ART3: variants seen among roughly 807,000 people sequenced by gnomAD.
ART3 encodes the protein ADP-ribosyltransferase 3 (inactive), also known as ecto-ADP-ribosyltransferase 3.
Under a neutral mutation model 48.5 loss-of-function variants are expected in ART3, and 49 were observed. The ratio of observed to expected loss-of-function variants is 1.01; its 90% CI spans 0.80 to 1.28. The LOEUF (loss-of-function observed/expected upper bound fraction) is 1.28, where lower values mean the gene tolerates loss of function less well. ART3 is among the 50% of genes most tolerant of loss of function. ART3 has a pLI of 0.00. For synonymous variants in ART3, 145 were observed against 157.2 expected (o/e 0.92, Z 0.58); for missense variants, 438 against 454.3 (o/e 0.96, Z 0.33).
Position 76,097,759 on chromosome 4 carries a change from A to G in ART3, c.814+83A>G, listed in dbSNP as rs149674092. The G allele has an allele frequency of 1.0e-3, 1,129 of 1,081,598 alleles. 10 individuals are homozygous for G. The African/African-American group carries it at 0.016, about 15-fold the overall frequency. The allele number at this position is 1,081,598 out of a possible 1,614,324, so 67.0% of individuals were successfully genotyped here. On this transcript the variant is annotated intron_variant, in intron 4 of 11. Transcript: ENST00000355810. The stretch of plus-strand genomic sequence containing the variant: ...AGCTATGGGTCAGAGCTACCCCACC[A>G]CTGTACTGTCGTTCTGTCAAACATC...
intron 1 of ART3, chr4:76,035,776 G>T: frequency 1.5e-6 from 1 of 661,608 alleles, no homozygotes; most frequent in African/African-American, 1.8e-5. Context: ...TCTTAAACAT[G>T]TCCACCATTT....
At position 76,012,779 on chromosome 4, in the gene ART3, A is replaced by G. The variant is rs537674464; in HGVS notation, c.-10+1459A>G. Among the ~76,000 whole-genome samples, 88 of 152,332 alleles carry G rather than the reference A, an allele frequency of 5.8e-4. No individual in the cohort carries two copies. The South Asian group carries it at 0.018, about 31-fold the overall frequency. ...GCTTGTAGTCTGAGGATATGTAACA[A>G]TAGCCATTAAGAAGCTGCTGACTAA... On this transcript the variant is annotated intron_variant, in intron 1 of 9. Coordinates refer to the ART3 transcript ENST00000341029.
At chr4:76,055,191 G>T (rs1401292206) in intron 1 of ART3, among the ~76,000 whole-genome samples, 1 of 152,162 alleles carries the variant, frequency 6.6e-6, no homozygotes, top group Non-Finnish European at 1.5e-5. Context: ...AGCAGTAAAA[G>T]GTGTAGTCAG....
chr4:76,022,637 A>G (rs570409587), intron 1 of ART3: 2 of 1,568,436 alleles, frequency 1.3e-6, no homozygotes, highest in Admixed American at 1.7e-5. Flanking sequence ...TACATATTTA[A>G]TACAGTATAT....
At chr4:76,074,423 A>G (rs1720653235), upstream of ART3, among the ~76,000 whole-genome samples, 1 of 152,122 alleles carries the variant, frequency 6.6e-6, no homozygotes, top group Non-Finnish European at 1.5e-5. Context: ...CTAGAGTAAA[A>G]TCCATGCTTT....
chr4:76,107,994 G>A (rs751003569), intron 11 of ART3, among the ~76,000 whole-genome samples: 48 of 151,440 alleles, frequency 3.2e-4, no homozygotes, highest in Non-Finnish European at 6.5e-4. Context: ...TTCGATAATC[G>A]TTTTCCATTG....
chr4:76,072,144 C>T (rs1228782967), upstream of ART3, among the ~76,000 whole-genome samples: 1 of 152,162 alleles, frequency 6.6e-6, no homozygotes, highest in Non-Finnish European at 1.5e-5. Context: ...GGACTCCTGG[C>T]TTCAAGCCAT....
At chr4:76,013,971 A>T (rs1336367412) in intron 1 of ART3, among the ~76,000 whole-genome samples, 1 of 152,194 alleles carries the variant, frequency 6.6e-6, no homozygotes, top group Admixed American at 6.5e-5. Flanking sequence ...AATATCTATC[A>T]ATTCTTTACA....
intron 1 of ART3, among the ~76,000 whole-genome samples, chr4:76,042,840 G>A (rs1735103248): frequency 1.3e-5 from 2 of 152,046 alleles, no homozygotes; most frequent in African/African-American, 4.8e-5. Flanking sequence ...ACCTGAGCGG[G>A]TTGCCACTGC....
chr4:76,103,829 C>CTTTTT, intron 8 of ART3, 108 bp from the exon 9 acceptor site: 4 of 775,758 alleles, frequency 5.2e-6, no homozygotes, highest in East Asian at 3.3e-5. Context: ...TTCCCCCTGC[C>CTTTTT]TTTTTTTTTT....
intron 8 of ART3, 46 bp from the exon 9 acceptor site, chr4:76,103,891 A>G: frequency 6.4e-7 from 1 of 1,550,524 alleles, no homozygotes; most frequent in Non-Finnish European, 8.9e-7. Flanking sequence ...TATTAACAGT[A>G]TAAGATAACT....
intron 3 of ART3, among the ~76,000 whole-genome samples, chr4:76,085,295 A>G (rs1723317169): frequency 6.6e-6 from 1 of 152,218 alleles, no homozygotes; most frequent in South Asian, 2.1e-4. Flanking sequence ...GACTAAATGT[A>G]GCCAAGGTAC....
At chr4:76,031,435 T>C (rs1393179126) in intron 1 of ART3, among the ~76,000 whole-genome samples, 5 of 152,104 alleles carry the variant, frequency 3.3e-5, no homozygotes, top group Non-Finnish European at 4.4e-5. Flanking sequence ...TTGCAGCTAT[T>C]GCAGCAAATC....
At chr4:76,037,357 A>G (rs1252744622) in intron 1 of ART3, among the ~76,000 whole-genome samples, 3 of 152,140 alleles carry the variant, frequency 2.0e-5, no homozygotes, top group Non-Finnish European at 4.4e-5. Flanking sequence ...AATAAAATAT[A>G]TTTACTGTAT....
intron 10 of ART3, chr4:76,106,441 G>GA (rs1728489655): frequency 1.1e-6 from 1 of 892,638 alleles, no homozygotes; most frequent in African/African-American, 1.8e-5. Flanking sequence ...CCTTCTGGCC[G>GA]AGTTAGGTTA....
chr4:76,095,626 C>T (rs1560642898), intron 3 of ART3, among the ~76,000 whole-genome samples: 1 of 152,188 alleles, frequency 6.6e-6, no homozygotes, highest in Non-Finnish European at 1.5e-5. Flanking sequence ...CACAAGGCAT[C>T]CCCCTCTAGA....
At chr4:76,016,725 A>G (rs1476912636) in intron 1 of ART3, among the ~76,000 whole-genome samples, 2 of 152,180 alleles carry the variant, frequency 1.3e-5, no homozygotes, top group African/African-American at 2.4e-5. Flanking sequence ...ACTGGAGTCA[A>G]AAACCTTAGA....
At chr4:76,103,912 A>C in intron 8 of ART3, 25 bp from the exon 9 acceptor site, 1 of 1,609,654 alleles carries the variant, frequency 6.2e-7, no homozygotes, top group Non-Finnish European at 8.5e-7. Context: ...GATTAATACA[A>C]ACCAATATTT....
chr4:76,078,998 G>A (rs1370182520), intron 2 of ART3, among the ~76,000 whole-genome samples: 1 of 152,036 alleles, frequency 6.6e-6, no homozygotes, highest in Non-Finnish European at 1.5e-5. Flanking sequence ...GGAGAATGGC[G>A]TGAACCCGGC....
Sources: allele counts gnomAD v4.1 joint callset (sites outside exome capture counted in the v4.1 genomes callset), GRCh38; gene constraint gnomAD v4.1.1; transcripts MANE v1.5; gene names NCBI Gene and HGNC (gene_info 2026-07-23, HGNC 2026-07-21).